The following ITGBL1 variants were observed in gnomAD, a reference collection of about 807,000 sequenced individuals.
The protein encoded by ITGBL1 is integrin beta-like protein 1.
Under a neutral mutation model 68.5 loss-of-function variants are expected in ITGBL1, and 51 were observed. That is an observed-to-expected ratio of 0.74 (90% CI 0.59 to 0.94). The LOEUF is 0.94. ITGBL1 is among the 40% of genes least tolerant of loss of function. ITGBL1 has a pLI of 0.00. For synonymous variants in ITGBL1, 209 were observed against 227.3 expected (o/e 0.92, Z 0.72); for missense variants, 649 against 647.4 (o/e 1.00, Z -0.03).
At chr13:101,631,080 TA>T (rs2031962830) in intron 7 of ITGBL1, among the ~76,000 whole-genome samples, 1 of 152,214 alleles carries the variant, frequency 6.6e-6, no homozygotes, top group Non-Finnish European at 1.5e-5. Flanking sequence ...AAGACTCTGA[TA>T]TATCCTGCAG....
chr13:101,500,459 G>T (rs979500682), intron 2 of ITGBL1, among the ~76,000 whole-genome samples: 2 of 152,130 alleles, frequency 1.3e-5, no homozygotes. Flanking sequence ...TTCTTCTCAG[G>T]AGCGAAATGT....
chr13:101,518,825 A>G (rs1472864517), intron 2 of ITGBL1, among the ~76,000 whole-genome samples: 1 of 152,190 alleles, frequency 6.6e-6, no homozygotes, highest in African/African-American at 2.4e-5. Context: ...GTCTTGCTTA[A>G]TCCAATAATC....
At chr13:101,522,083 T>A (rs1273807912) in intron 2 of ITGBL1, among the ~76,000 whole-genome samples, 3 of 152,038 alleles carry the variant, frequency 2.0e-5, no homozygotes, top group Non-Finnish European at 4.4e-5. Context: ...AGTGCTCTGG[T>A]GTCTTCCTAT....
chr13:101,591,602 A>G (rs938029106), intron 6 of ITGBL1, among the ~76,000 whole-genome samples: 1 of 152,168 alleles, frequency 6.6e-6, no homozygotes, highest in Non-Finnish European at 1.5e-5. Context: ...TGTATTGTCC[A>G]GTTTCTTCAA....
At chr13:101,511,950 A>T (rs2049122248) in intron 2 of ITGBL1, among the ~76,000 whole-genome samples, 3 of 152,164 alleles carry the variant, frequency 2.0e-5, no homozygotes, top group Admixed American at 2.0e-4. Flanking sequence ...CAGCTAAGGG[A>T]GGAAGAATTC....
rs948026281 is a variant in ITGBL1 at position 101,520,922 on chromosome 13, G to T, written c.317-46777G>T. Among the ~76,000 whole-genome samples, 7 of 152,286 alleles carry T rather than the reference G, an allele frequency of 4.6e-5. No homozygotes were observed. In the South Asian group the frequency reaches 1.2e-3, roughly 27 times the overall value. On this transcript the variant is annotated intron_variant, in intron 2 of 10. Coordinates refer to ENST00000376180, the MANE Select transcript of ITGBL1 (RefSeq NM_004791.3). The stretch of plus-strand genomic sequence containing the variant: ...AGTGGTAATGAGTCACAAGCAGGAT[G>T]ATACAGTATTAACCCACATCCTTTA...
chr13:101,621,950 G>A (rs2031600916), intron 7 of ITGBL1, among the ~76,000 whole-genome samples: 1 of 152,118 alleles, frequency 6.6e-6, no homozygotes, highest in African/African-American at 2.4e-5. Context: ...AGCTGAGGCT[G>A]GTTGGGAGCA....
chr13:101,553,499 G>T (rs934008177), intron 2 of ITGBL1, among the ~76,000 whole-genome samples: 1 of 152,130 alleles, frequency 6.6e-6, no homozygotes, highest in African/African-American at 2.4e-5. Flanking sequence ...ACTGTACCTT[G>T]AGTTTCTGCC....
At chr13:101,505,375 T>C (rs1387649375) in intron 2 of ITGBL1, among the ~76,000 whole-genome samples, 1 of 152,168 alleles carries the variant, frequency 6.6e-6, no homozygotes, top group Non-Finnish European at 1.5e-5. Flanking sequence ...GAAGAACTCA[T>C]AATCTAGCAG....
intron 7 of ITGBL1, among the ~76,000 whole-genome samples, chr13:101,617,627 C>A (rs976587275): frequency 6.6e-6 from 1 of 152,078 alleles, no homozygotes; most frequent in African/African-American, 2.4e-5. Context: ...AAAATACAGT[C>A]TTTTATTAAA....
chr13:101,628,113 T>C (rs2031847822), intron 7 of ITGBL1, among the ~76,000 whole-genome samples: 1 of 152,236 alleles, frequency 6.6e-6, no homozygotes, highest in Admixed American at 6.5e-5. Flanking sequence ...TGTTGGGTGT[T>C]TTCAGTGTTC....
At chr13:101,493,172 C>T (rs1168451874) in intron 2 of ITGBL1, among the ~76,000 whole-genome samples, 2 of 152,082 alleles carry the variant, frequency 1.3e-5, no homozygotes, top group African/African-American at 4.8e-5. Context: ...AGCTTAGATA[C>T]ACCTCTACTA....
chr13:101,605,177 C>G lies in ITGBL1; in HGVS notation c.1015+6878C>G, dbSNP rs542602049. 9.4e-4 allele frequency among the ~76,000 whole-genome samples: 62 copies of G among 66,024 alleles called. 3 individuals carry two copies. Among genetic ancestry groups the G allele is most frequent in the African/African-American group, 3.5e-3 (60 of 17,188 alleles). The allele number at this position is 66,024 out of a possible 152,430, so 43.3% of individuals were successfully genotyped here. On this transcript the variant is annotated intron_variant, in intron 7 of 10. Coordinates refer to ENST00000376180, the MANE Select transcript of ITGBL1 (RefSeq NM_004791.3). ...GTGTGTGTATATGCGTATATATGCA[C>G]ATATAGACATAGGCATGTGTGTATA...
intron 2 of ITGBL1, among the ~76,000 whole-genome samples, chr13:101,560,584 A>G (rs2139234484): frequency 6.6e-6 from 1 of 152,328 alleles, no homozygotes; most frequent in African/African-American, 2.4e-5. Context: ...AGAATAATAC[A>G]TTTACTTTTA....
chr13:101,609,217 A>G (rs1452880088), intron 7 of ITGBL1, among the ~76,000 whole-genome samples: 1 of 152,094 alleles, frequency 6.6e-6, no homozygotes, highest in Non-Finnish European at 1.5e-5. Flanking sequence ...CGGGAATGTA[A>G]TTGTTATTTA....
At chr13:101,503,613 C>T (rs943945146) in intron 2 of ITGBL1, among the ~76,000 whole-genome samples, 19 of 152,266 alleles carry the variant, frequency 1.2e-4, no homozygotes, top group African/African-American at 3.4e-4. Flanking sequence ...CTCCAACACA[C>T]CCCCTAGGGG....
At chr13:101,551,244 T>A (rs183241874) in intron 2 of ITGBL1, among the ~76,000 whole-genome samples, 6 of 152,294 alleles carry the variant, frequency 3.9e-5, no homozygotes, top group Admixed American at 1.3e-4. Context: ...AGTAGGATGG[T>A]GGGAATAAAA....
chr13:101,579,329 G>T lies in ITGBL1; in HGVS notation c.629G>T (p.Gly210Val). Residue 210 changes from glycine (G) to valine (V), a missense_variant, in exon 5 of 11, where the codon GGT (glycine) becomes GTT (valine). By Grantham distance (109) the Gly-to-Val change is moderately radical (BLOSUM62 -3). Coordinates refer to ENST00000376180, the MANE Select transcript of ITGBL1 (RefSeq NM_004791.3). ...CYCGNCYCKA[G>V]WHGDKCEFQC... is the part of the protein sequence containing the mutation. ...TGTGGAAACTGCTACTGCAAGGCTGGTTGGCATGGAGATAAATGTGAATTC... is the reference window on the plus strand; with the variant it reads ...TGTGGAAACTGCTACTGCAAGGCTGTTTGGCATGGAGATAAATGTGAATTC... 1 of 1,613,954 alleles carries T rather than the reference G, an allele frequency of 6.2e-7. No homozygotes were observed. The highest frequency in any genetic ancestry group is 8.5e-7 in the Non-Finnish European group (1 of 1,179,884).
chr13:101,618,353 C>T (rs971533309), intron 7 of ITGBL1, among the ~76,000 whole-genome samples: 1 of 152,108 alleles, frequency 6.6e-6, no homozygotes, highest in Non-Finnish European at 1.5e-5. Context: ...AGTTGTTCTT[C>T]GTTTTCTATG....
Sources: allele counts gnomAD v4.1 joint callset (sites outside exome capture counted in the v4.1 genomes callset), GRCh38; gene constraint gnomAD v4.1.1; transcripts MANE v1.5; gene names NCBI Gene and HGNC (gene_info 2026-07-23, HGNC 2026-07-21).